Variants in UBXN2A observed in about 807,000 individuals in gnomAD.
UBXN2A encodes UBX domain-containing protein 2A.
A neutral mutation model predicts 28.4 loss-of-function variants in UBXN2A; 28 were observed. That is an observed-to-expected ratio of 0.99 (90% CI 0.73 to 1.35). The LOEUF (loss-of-function observed/expected upper bound fraction) is 1.35. Ranked by LOEUF, UBXN2A falls within the 40% of genes most tolerant of loss-of-function variation. The pLI, the probability that UBXN2A is intolerant of heterozygous loss-of-function variation, is 0.00. For missense variants in UBXN2A, 253 were observed against 297.9 expected, an observed-to-expected ratio of 0.85 and a Z score of 1.11; for synonymous variants, 97 against 103.6, an observed-to-expected ratio of 0.94 and a Z score of 0.39.
exon 1 of UBXN2A, chr2:23,927,466 G>T (rs971601961): frequency 4.5e-5 from 7 of 153,860 alleles, no homozygotes; most frequent in African/African-American, 1.7e-4. Flanking sequence ...GGTGGAAGGG[G>T]AGCGGCGACG....
intron 2 of UBXN2A, among the ~76,000 whole-genome samples, chr2:23,961,215 C>T (rs1281392488): frequency 6.6e-6 from 1 of 151,886 alleles, no homozygotes; most frequent in African/African-American, 2.4e-5. Flanking sequence ...CCTGCCTCAG[C>T]CTCCCAAGTA....
In UBXN2A at chr2:24,003,382, T is replaced by C. The variant is rs2150932181; in HGVS notation, c.*3515T>C. On this transcript the variant is annotated 3_prime_UTR_variant, in exon 7 of 7. Coordinates refer to ENST00000309033, the MANE Select transcript of UBXN2A (RefSeq NM_181713.4). ...TGACATAAACTTGTGCTTTACCTCC[T>C]ATAGCACAGCCGAGACAAGGCTGGA... 1 of 152,306 alleles carries C rather than the reference T, an allele frequency of 6.6e-6. No individual in the cohort carries two copies. The highest frequency in any genetic ancestry group is 2.1e-4 in the South Asian group (1 of 4,822). The allele number at this position is 152,306 out of a possible 1,614,324, so 9.4% of individuals were successfully genotyped here.
intron 6 of UBXN2A, among the ~76,000 whole-genome samples, chr2:23,998,810 A>G (rs1166153937): frequency 6.6e-6 from 1 of 151,780 alleles, no homozygotes; most frequent in Non-Finnish European, 1.5e-5. Flanking sequence ...GCTCACTGCA[A>G]CCTTCGTCTC....
intron 1 of UBXN2A, chr2:23,944,330 T>G (rs1217178590): frequency 6.3e-7 from 1 of 1,599,908 alleles, no homozygotes; most frequent in Non-Finnish European, 8.6e-7. Flanking sequence ...CTGTGTTATT[T>G]GTAGGGCTGG....
At chr2:23,963,931 C>G (rs4665648) in intron 2 of UBXN2A, among the ~76,000 whole-genome samples, 68,447 of 151,684 alleles carry the variant, frequency 0.45, 16,333 homozygotes, top group East Asian at 0.78. Flanking sequence ...GAGTTTGAAA[C>G]CAGCCTTGTT....
rs1279164929 is a variant in UBXN2A at position 23,990,344 on chromosome 2, C to T, written c.584+5513C>T. ...TCTTCCATATGAATGCTTTTTTACT[C>T]TGCTTGGGACAACCTGCTCTGTTGT... On this transcript the variant is annotated intron_variant, in intron 6 of 6. Coordinates refer to ENST00000309033, the MANE Select transcript of UBXN2A (RefSeq NM_181713.4). Among the ~76,000 whole-genome samples the T allele has an allele frequency of 2.6e-5, 4 of 151,740 alleles. No individual in the cohort carries two copies. The East Asian group carries it at 7.8e-4, about 29-fold the overall frequency.
At chr2:23,949,116 C>CTTTTTTTTTTTTTTTTTT (rs1223944833) in intron 1 of UBXN2A, among the ~76,000 whole-genome samples, 7 of 127,060 alleles carry the variant, frequency 5.5e-5, no homozygotes, top group East Asian at 2.2e-4. Flanking sequence ...ATTTTTTTTT[C>CTTTTTTTTTTTTTTTTTT]TTTTTTTTTT....
rs1192999636 is a variant in UBXN2A, at chr2:23,993,837, G to A, written c.585-5835G>A. 4.6e-5 allele frequency among the ~76,000 whole-genome samples: 7 copies of A among 151,846 alleles called. No individual in the cohort carries two copies. In the East Asian group the frequency reaches 5.8e-4, roughly 13 times the overall value. On this transcript the variant is annotated intron_variant, in intron 6 of 6. Transcript: ENST00000309033. ...CAAGTAGCTGGCATTACAGGCATGC[G>A]CTACCACACCCAGCTAATTTTTGTA...
Position 23,968,169 on chromosome 2 carries a change from C to G in UBXN2A, c.42-3107C>G, listed in dbSNP as rs76502213. Among the ~76,000 whole-genome samples, 507 of 152,270 alleles carry G rather than the reference C, an allele frequency of 3.3e-3. 3 individuals carry two copies. The highest frequency in any genetic ancestry group is 0.012 in the African/African-American group (490 of 41,542). The stretch of plus-strand genomic sequence containing the variant: ...GACATTGGTAGCTTGAGTTCAGTTC[C>G]TAGCACTGCCTCCTAGTAGCTTTGT... On this transcript the variant is annotated intron_variant, in intron 2 of 6. Coordinates refer to ENST00000309033, the MANE Select transcript of UBXN2A (RefSeq NM_181713.4).
upstream of UBXN2A, among the ~76,000 whole-genome samples, chr2:23,937,730 A>G (rs1419171740): frequency 6.6e-6 from 1 of 152,212 alleles, no homozygotes; most frequent in African/African-American, 2.4e-5. Flanking sequence ...ACTATAAAAC[A>G]CTGCTGAAAG....
At chr2:23,934,215 T>TAA (rs150284800) in intron 1 of UBXN2A, among the ~76,000 whole-genome samples, 41 of 146,178 alleles carry the variant, frequency 2.8e-4, no homozygotes, top group Middle Eastern at 3.5e-3. Flanking sequence ...TGTGTTAAAA[T>TAA]AAAAAAAAAA....
chr2:23,933,758 A>G (rs1705444624), intron 1 of UBXN2A, among the ~76,000 whole-genome samples: 1 of 151,488 alleles, frequency 6.6e-6, no homozygotes, highest in Non-Finnish European at 1.5e-5. Context: ...AAAAAACAAA[A>G]CTGTACCTCC....
chr2:23,958,285 C>G lies in UBXN2A; in HGVS notation c.-14-16C>G. ...TACTTACTTTCTTTTTACTTACTTT[C>G]TTTGTACTTTTACAGTAAGGCGAAA... On this transcript the variant is annotated splice_polypyrimidine_tract_variant and intron_variant, in intron 1 of 6. Coordinates refer to ENST00000309033, the MANE Select transcript of UBXN2A (RefSeq NM_181713.4). The G allele has an allele frequency of 6.3e-7, 1 of 1,578,266 alleles. No individual in the cohort carries two copies. The highest frequency in any genetic ancestry group is 8.6e-7 in the Non-Finnish European group (1 of 1,165,042).
intron 6 of UBXN2A, chr2:23,997,019 T>A (rs1057068651): frequency 6.6e-6 from 1 of 152,208 alleles, no homozygotes; most frequent in African/African-American, 2.4e-5. Flanking sequence ...AATCCTGGGC[T>A]CAGGGAATCC....
intron 5 of UBXN2A, 72 bp from the exon 6 acceptor site, chr2:23,984,601 A>G (rs752085193): frequency 5.5e-5 from 66 of 1,199,090 alleles, no homozygotes; most frequent in Non-Finnish European, 7.0e-5. Flanking sequence ...TAATATTTTT[A>G]TAGTAATTAT....
In UBXN2A at chr2:23,970,217, G is replaced by A. The variant is rs1359622563; in HGVS notation, c.42-1059G>A. Among the ~76,000 whole-genome samples, 3 of 152,148 alleles carry A rather than the reference G, an allele frequency of 2.0e-5. No individual in the cohort carries two copies. The South Asian group carries it at 6.2e-4, about 31-fold the overall frequency. On this transcript the variant is annotated intron_variant, in intron 2 of 6. Transcript: ENST00000309033. ...GAAGATTGGTTGAGCCCTGGAGGTT[G>A]AGACTGTAGTGAGCTGAAATTGCGC... is the stretch of plus-strand genomic sequence containing the variant.
chr2:24,003,597 C>A lies in UBXN2A; in HGVS notation c.*3730C>A, dbSNP rs1291505527. 1 of 152,006 alleles carries A rather than the reference C, an allele frequency of 6.6e-6. No individual in the cohort carries two copies. Among genetic ancestry groups the A allele is most frequent in the South Asian group, 2.1e-4 (1 of 4,804 alleles). The allele number at this position is 152,006 out of a possible 1,614,324, so 9.4% of individuals were successfully genotyped here. ...GGAAGAGAGGGAGGACAAAGGAGAG[C>A]CTTTTCTTTTGTCCATTACTCTTAG... On this transcript the variant is annotated 3_prime_UTR_variant, in exon 7 of 7. Coordinates refer to ENST00000309033, the MANE Select transcript of UBXN2A (RefSeq NM_181713.4).
chr2:23,956,000 G>A (rs1403787680), intron 1 of UBXN2A, among the ~76,000 whole-genome samples: 1 of 152,162 alleles, frequency 6.6e-6, no homozygotes, highest in Non-Finnish European at 1.5e-5. Flanking sequence ...GAGTAGTGGA[G>A]ATTACAGATA....
chr2:23,948,304 A>G (rs1010106213), intron 1 of UBXN2A, among the ~76,000 whole-genome samples: 1 of 143,608 alleles, frequency 7.0e-6, no homozygotes, highest in Non-Finnish European at 1.5e-5. Context: ...CCCAGGCTAG[A>G]GTGCAGTGGC....
Sources: allele counts gnomAD v4.1 joint callset (sites outside exome capture counted in the v4.1 genomes callset), GRCh38; gene constraint gnomAD v4.1.1; transcripts MANE v1.5; gene names NCBI Gene and HGNC (gene_info 2026-07-23, HGNC 2026-07-21).